The following ANKRD30B variants were observed in gnomAD, a reference collection of about 807,000 sequenced individuals.
ANKRD30B encodes ankyrin repeat domain 30B.
A neutral mutation model predicts 202.2 loss-of-function variants in ANKRD30B; 144 were observed. The ratio of observed to expected loss-of-function variants is 0.71; its 90% confidence interval spans 0.62 to 0.82. The LOEUF is 0.82. Among genes scored for constraint, ANKRD30B ranks in the 40% least tolerant of loss-of-function variants. The pLI, the probability that ANKRD30B is intolerant of heterozygous loss-of-function variation, is 0.00. For synonymous variants in ANKRD30B, 508 were observed against 561.3 expected, an observed-to-expected ratio of 0.91 and a Z score of 1.34; for missense variants, 1,487 against 1,669.1, an observed-to-expected ratio of 0.89 and a Z score of 1.90.
rs376973775 is a variant in ANKRD30B at position 14,849,833 on chromosome 18, G to A, written c.3396-381G>A. ...AATCTGTAAACTTTTTTTATAAAAAGTAATGTCACTTTAATCAGTTAACTC... is the reference window on the plus strand; with the variant it reads ...AATCTGTAAACTTTTTTTATAAAAAATAATGTCACTTTAATCAGTTAACTC... On this transcript the variant is annotated intron_variant, in intron 40 of 43. Coordinates refer to ENST00000690538, the MANE Select transcript of ANKRD30B (RefSeq NM_001367607.2). Among the ~76,000 whole-genome samples, 32 of 151,590 alleles carry A rather than the reference G, an allele frequency of 2.1e-4. No homozygotes were observed. In the East Asian group the frequency reaches 2.3e-3, roughly 11 times the overall value.
At chr18:14,886,948 G>T in the ANKRD30B span, among the ~76,000 whole-genome samples, 2 of 152,006 alleles carry the variant, frequency 1.3e-5, no homozygotes, top group Non-Finnish European at 2.9e-5. Context: ...TGGTCGTATA[G>T]GTCAACCACA....
At chr18:14,797,164 A>G (rs1181255597) in intron 18 of ANKRD30B, among the ~76,000 whole-genome samples, 2 of 152,164 alleles carry the variant, frequency 1.3e-5, no homozygotes, top group African/African-American at 2.4e-5. Context: ...GAGCCGTGGC[A>G]AGATGAGGGC....
At chr18:14,937,052 C>T in the ANKRD30B span, among the ~76,000 whole-genome samples, 2 of 152,300 alleles carry the variant, frequency 1.3e-5, no homozygotes, top group East Asian at 3.9e-4. Flanking sequence ...CTGGTAGTGA[C>T]CAACTGAAGA....
At chr18:14,931,729 A>G in the ANKRD30B span, among the ~76,000 whole-genome samples, 2 of 152,102 alleles carry the variant, frequency 1.3e-5, no homozygotes, top group Non-Finnish European at 2.9e-5. Flanking sequence ...GGCGAAGTAC[A>G]GCCCCTTTTG....
the ANKRD30B span, among the ~76,000 whole-genome samples, chr18:14,933,290 C>T: frequency 6.6e-6 from 1 of 152,168 alleles, no homozygotes; most frequent in Non-Finnish European, 1.5e-5. Context: ...ACCCTCCTTC[C>T]CCAGCCTGAT....
chr18:14,868,220 G>C, the ANKRD30B span, among the ~76,000 whole-genome samples: 1 of 152,282 alleles, frequency 6.6e-6, no homozygotes, highest in Non-Finnish European at 1.5e-5. Flanking sequence ...AGGGCTTTGG[G>C]GCCTGGCCCA....
chr18:14,829,592 GTT>G (rs1970815514), intron 33 of ANKRD30B, among the ~76,000 whole-genome samples: 1 of 152,182 alleles, frequency 6.6e-6, no homozygotes, highest in Non-Finnish European at 1.5e-5. Flanking sequence ...CTTATGACAA[GTT>G]TGATGAAGAT....
In ANKRD30B at chr18:14,837,271, G is replaced by A. The variant is rs1971219992; in HGVS notation, c.2908G>A (p.Ala970Thr). Residue 970 changes from alanine to threonine, a missense_variant, in exon 35 of 44, where the codon GCT (alanine) becomes ACT (threonine). Physicochemically the swap from Ala to Thr is moderately conservative, Grantham distance 58. Coordinates refer to ENST00000690538, the MANE Select transcript of ANKRD30B (RefSeq NM_001367607.2). The stretch of plus-strand genomic sequence containing the variant: ...ACGTGATATTGGCATTATTGAACGA[G>A]CTCCACAAGATCAAACAAGTAATGA... ...QERDIGIIER[A>T]PQDQTNKMPT... 7 of 1,548,184 alleles carry A rather than the reference G, an allele frequency of 4.5e-6. No individual in the cohort carries two copies. Among genetic ancestry groups the A allele is most frequent in the Non-Finnish European group, 6.1e-6 (7 of 1,145,324 alleles).
At chr18:14,840,533 A>T (rs1292773266) in intron 36 of ANKRD30B, 55 bp from the exon 37 acceptor site, 5 of 996,580 alleles carry the variant, frequency 5.0e-6, no homozygotes, top group Non-Finnish European at 6.7e-6. Context: ...TCTCAGAAAA[A>T]CAAAATTAAA....
the ANKRD30B span, among the ~76,000 whole-genome samples, chr18:14,870,417 C>T: frequency 5.3e-5 from 8 of 152,368 alleles, no homozygotes; most frequent in Non-Finnish European, 8.8e-5. Flanking sequence ...ACAGGCACCC[C>T]TCTCCTTTCC....
the ANKRD30B span, among the ~76,000 whole-genome samples, chr18:14,885,750 A>C: frequency 2.0e-5 from 3 of 152,118 alleles, no homozygotes; most frequent in African/African-American, 7.2e-5. Flanking sequence ...ATTTGTAGCC[A>C]ACTCAAAGGC....
At chr18:14,939,907 T>C in the ANKRD30B span, among the ~76,000 whole-genome samples, 3 of 152,188 alleles carry the variant, frequency 2.0e-5, no homozygotes, top group Admixed American at 2.0e-4. Context: ...CAGTGTTAAT[T>C]CTAATGGCCC....
chr18:14,862,352 G>A, the ANKRD30B span, among the ~76,000 whole-genome samples: 1 of 151,542 alleles, frequency 6.6e-6, no homozygotes. Context: ...TCTTTGCAAG[G>A]ACACATAAAA....
chr18:14,924,321 A>G, the ANKRD30B span, among the ~76,000 whole-genome samples: 3 of 152,252 alleles, frequency 2.0e-5, no homozygotes, highest in Non-Finnish European at 1.5e-5. Context: ...CTGGCTACGG[A>G]GCTAGCAATG....
At position 14,806,561 on chromosome 18, in the gene ANKRD30B, C is replaced by T. The variant is rs1969533588; in HGVS notation, c.2285-1990C>T. ...GAAGGTAGTATTTCCCTGCTTGCTT[C>T]CTCTGCATGGATTTTGAACTTCAGG... On this transcript the variant is annotated intron_variant, in intron 24 of 43. Transcript: ENST00000690538. Among the ~76,000 whole-genome samples the T allele has an allele frequency of 1.3e-5, 2 of 150,012 alleles. 1 individual carries two copies. The highest frequency in any genetic ancestry group is 4.3e-4 in the South Asian group (2 of 4,692).
chr18:14,885,472 A>G, the ANKRD30B span, among the ~76,000 whole-genome samples: 68 of 152,050 alleles, frequency 4.5e-4, no homozygotes, highest in Admixed American at 3.5e-3. Flanking sequence ...CTTAAGAGAA[A>G]AGAAATGTGC....
chr18:14,917,115 C>G, the ANKRD30B span, among the ~76,000 whole-genome samples: 1 of 152,222 alleles, frequency 6.6e-6, no homozygotes, highest in Non-Finnish European at 1.5e-5. Flanking sequence ...CAGGCTTCAG[C>G]TGGACTCCCT....
chr18:14,840,946 AGAGTACAGG>A (rs1971395551), intron 37 of ANKRD30B, among the ~76,000 whole-genome samples: 1 of 151,932 alleles, frequency 6.6e-6, no homozygotes, highest in African/African-American at 2.4e-5. Flanking sequence ...AGGAAGACAG[AGAGTACAGG>A]GAGTACATGA....
At chr18:14,827,106 C>G (rs1970702289) in intron 32 of ANKRD30B, among the ~76,000 whole-genome samples, 1 of 152,078 alleles carries the variant, frequency 6.6e-6, no homozygotes, top group Non-Finnish European at 1.5e-5. Flanking sequence ...TGCTGTCTGA[C>G]CACACATCAG....
Sources: gnomAD v4.1 joint callset for allele counts (sites outside exome capture counted in the v4.1 genomes callset) on GRCh38, gnomAD v4.1.1 for gene constraint, MANE v1.5 for transcripts, NCBI Gene and HGNC (gene_info 2026-07-23, HGNC 2026-07-21) for gene names.